The following MYBPC1 variants were observed in gnomAD, a reference collection of about 807,000 sequenced individuals.
MYBPC1 encodes the protein myosin binding protein C1, also known as myosin-binding protein C, slow-type.
MYBPC1 carries 52 observed loss-of-function variants against 147.1 expected under a neutral mutation model. The observed-to-expected ratio is 0.35, with a 90% CI of 0.28 to 0.45. The LOEUF is 0.45. Among genes scored for constraint, MYBPC1 ranks in the 20% least tolerant of loss-of-function variants. The pLI, the probability that MYBPC1 is intolerant of heterozygous loss-of-function variation, is 1.00. For synonymous variants in MYBPC1, 477 were observed against 475.9 expected (o/e 1.00, Z -0.03); for missense variants, 1,228 against 1,440.3 (o/e 0.85, Z 2.39).
chr12:101,629,755 C>T (rs1270542301), intron 6 of MYBPC1, among the ~76,000 whole-genome samples: 1 of 151,928 alleles, frequency 6.6e-6, no homozygotes, highest in Non-Finnish European at 1.5e-5. Context: ...CACCTGTAAT[C>T]TCAGCTACTC....
chr12:101,681,117 A>G (rs1950910854), intron 29 of MYBPC1, among the ~76,000 whole-genome samples: 1 of 152,236 alleles, frequency 6.6e-6, no homozygotes, highest in Non-Finnish European at 1.5e-5. Flanking sequence ...CATTTATACT[A>G]GTTTTCAAAG....
rs141205774 is a variant in MYBPC1 at position 101,659,737 on chromosome 12, T to A, written c.1833T>A (p.Ile611=). Residue 611 remains isoleucine, a synonymous_variant, in exon 19 of 32, where the codon ATT becomes ATA. Coordinates refer to ENST00000361466, the MANE Select transcript of MYBPC1 (RefSeq NM_002465.4). The stretch of plus-strand genomic sequence containing the variant: ...ACCCTGATAGCAGCACTCTGGTCAT[T>A]GATATAGCTGAAAGAGATGACTCTG... ...ESYPDSSTLV[I]DIAERDDSGV... The A allele has an allele frequency of 1.2e-6, 2 of 1,614,134 alleles. No homozygotes were observed. Among genetic ancestry groups the A allele is most frequent in the Non-Finnish European group, 1.7e-6 (2 of 1,179,978 alleles).
chr12:101,685,570 G>A lies in MYBPC1; in HGVS notation c.*20-12G>A. ...GTTTTGATTTGTCTGTTTTCCTTTT[G>A]GTCCTCTCTAGGTGGGCTCTCCTTC... On this transcript the variant is annotated splice_polypyrimidine_tract_variant and intron_variant, in intron 31 of 31. Transcript: ENST00000361466. 1 of 1,494,652 alleles carries A rather than the reference G, an allele frequency of 6.7e-7. No homozygotes were observed. The highest frequency in any genetic ancestry group is 9.0e-7 in the Non-Finnish European group (1 of 1,109,894). 92.6% of individuals were successfully genotyped at this position (1,494,652 alleles called of 1,614,324 possible). A position where few individuals can be genotyped will look rare whatever the true frequency, so the allele number is the denominator to read the frequency against.
intron 3 of MYBPC1, among the ~76,000 whole-genome samples, chr12:101,624,317 A>G (rs1156252747): frequency 6.6e-6 from 1 of 152,184 alleles, no homozygotes; most frequent in Non-Finnish European, 1.5e-5. Context: ...CCAGTGGGTA[A>G]TACTTGTAGT....
chr12:101,690,434 T>G (rs1430684233), downstream of MYBPC1, among the ~76,000 whole-genome samples: 1 of 152,176 alleles, frequency 6.6e-6, no homozygotes, highest in Non-Finnish European at 1.5e-5. Flanking sequence ...TAAATATAAC[T>G]TAACCTGTTA....
chr12:101,677,304 G>A lies in MYBPC1; in HGVS notation c.3019G>A (p.Glu1007Lys). 1 of 1,613,874 alleles carries A rather than the reference G, an allele frequency of 6.2e-7. No homozygotes were observed. Among genetic ancestry groups the A allele is most frequent in the Non-Finnish European group, 8.5e-7 (1 of 1,179,876 alleles). Residue 1007 changes from glutamate (E) to lysine (K), a missense_variant, in exon 27 of 32, where the codon GAA (glutamate) becomes AAA (lysine). This residue lies in a region of MYBPC1 where 1,077 missense variants were observed against 1,314.2 expected (regional missense o/e 0.82). Coordinates refer to ENST00000361466, the MANE Select transcript of MYBPC1 (RefSeq NM_002465.4). ...CATTACTGAATTGGTCATAGGGAAT[G>A]AATATTACTTCCGGGTCTTTTCTGA... ...ATITELVIGN[E>K]YYFRVFSENM...
intron 24 of MYBPC1, among the ~76,000 whole-genome samples, chr12:101,670,639 G>A (rs1898444661): frequency 6.6e-6 from 1 of 152,174 alleles, no homozygotes; most frequent in Admixed American, 6.6e-5. Context: ...AGACAAATGA[G>A]ATATAGTCTT....
At chr12:101,628,174 G>C in intron 5 of MYBPC1, 1 of 307,974 alleles carries the variant, frequency 3.2e-6, no homozygotes, top group Admixed American at 4.4e-5. Context: ...ATCAGCTGTA[G>C]CTCCTGTTCT....
At chr12:101,666,707 G>T (rs367798857) in intron 22 of MYBPC1, 1 of 1,552,806 alleles carries the variant, frequency 6.4e-7, no homozygotes, top group Non-Finnish European at 8.9e-7. Context: ...TGTGAAAGTG[G>T]GTGTCTTTAA....
At chr12:101,603,493 C>T (rs888146717) in intron 1 of MYBPC1, among the ~76,000 whole-genome samples, 1 of 152,114 alleles carries the variant, frequency 6.6e-6, no homozygotes, top group African/African-American at 2.4e-5. Context: ...TTGAGTGTCA[C>T]TGTGTTTATT....
intron 26 of MYBPC1, among the ~76,000 whole-genome samples, chr12:101,676,362 T>G (rs1269073453): frequency 6.6e-6 from 1 of 151,496 alleles, no homozygotes; most frequent in Non-Finnish European, 1.5e-5. Flanking sequence ...TTGCTTGAAC[T>G]CGGAAGGTGG....
At chr12:101,669,954 A>AAAAT in intron 23 of MYBPC1, 1 of 344,740 alleles carries the variant, frequency 2.9e-6, no homozygotes, top group Non-Finnish European at 5.5e-6. Context: ...AAAAAAAAGA[A>AAAAT]ACTATGAAAA....
At chr12:101,662,332 T>C in intron 20 of MYBPC1, 26 bp from the exon 21 acceptor site, 1 of 1,612,602 alleles carries the variant, frequency 6.2e-7, no homozygotes, top group East Asian at 2.2e-5. Flanking sequence ...AGGAAAAACC[T>C]TAGTTTTCAT....
chr12:101,614,714 C>A (rs1033297835), intron 2 of MYBPC1, 183 bp downstream of exon 2: 1 of 652,894 alleles, frequency 1.5e-6, no homozygotes, highest in Non-Finnish European at 2.7e-6. Flanking sequence ...TTTATATAAT[C>A]CTCTTGTGTT....
intron 29 of MYBPC1, among the ~76,000 whole-genome samples, chr12:101,682,314 G>A (rs899070701): frequency 2.0e-5 from 3 of 152,208 alleles, no homozygotes; most frequent in Non-Finnish European, 4.4e-5. Context: ...CCTTAAAAGC[G>A]AATAGTATTA....
At chr12:101,611,210 AT>A (rs1884167008) in intron 1 of MYBPC1, among the ~76,000 whole-genome samples, 4 of 152,228 alleles carry the variant, frequency 2.6e-5, no homozygotes, top group African/African-American at 9.6e-5. Flanking sequence ...CTAATATCCT[AT>A]AATGTTTCTG....
intron 24 of MYBPC1, 21 bp downstream of exon 24, chr12:101,670,430 CT>C (rs1339366431): frequency 1.9e-6 from 3 of 1,588,810 alleles, no homozygotes; most frequent in Non-Finnish European, 2.6e-6. Flanking sequence ...AAGGGTCGCT[CT>C]TTTTCTCTTT....
intron 22 of MYBPC1, among the ~76,000 whole-genome samples, chr12:101,665,139 G>T (rs949697011): frequency 6.6e-6 from 1 of 152,012 alleles, no homozygotes; most frequent in African/African-American, 2.4e-5. Context: ...ACAATGAAGT[G>T]TATTTTACAA....
chr12:101,689,527 G>A (rs10735377), downstream of MYBPC1, among the ~76,000 whole-genome samples: 123,485 of 152,032 alleles, frequency 0.81, 50,452 homozygotes, highest in African/African-American at 0.9. Flanking sequence ...TAACTTGACT[G>A]TTATATTAGG....
Sources: gnomAD v4.1 joint callset for allele counts (sites outside exome capture counted in the v4.1 genomes callset) on GRCh38, gnomAD v4.1.1 for gene constraint, gnomAD v4.1.1 regional missense constraint, MANE v1.5 for transcripts, NCBI Gene and HGNC (gene_info 2026-07-23, HGNC 2026-07-21) for gene names.